Variants in PPARD observed in about 807,000 individuals in gnomAD.
The protein encoded by PPARD is peroxisome proliferator activated receptor delta, also known as peroxisome proliferator-activated receptor delta.
Under a neutral mutation model 39.5 loss-of-function variants are expected in PPARD, and 6 were observed. The ratio of observed to expected loss-of-function variants is 0.15; its 90% confidence interval spans 0.08 to 0.30. The LOEUF is 0.30. Among genes scored for constraint, PPARD ranks in the 10% least tolerant of loss-of-function variants. The pLI is 1.00. For missense variants in PPARD, 397 were observed against 596.8 expected (o/e 0.67, Z 3.49); for synonymous variants, 210 against 231.3 (o/e 0.91, Z 0.83).
At chr6:35,411,397 A>G (rs989666123) in intron 3 of PPARD, among the ~76,000 whole-genome samples, 180 bp downstream of exon 3, 2 of 152,242 alleles carry the variant, frequency 1.3e-5, no homozygotes, top group African/African-American at 4.8e-5. Context: ...ACTCACCAGC[A>G]GTGGGGCCTG....
At chr6:35,416,783 C>T (rs555798707) in intron 3 of PPARD, among the ~76,000 whole-genome samples, 3 of 152,312 alleles carry the variant, frequency 2.0e-5, no homozygotes, top group Non-Finnish European at 2.9e-5. Flanking sequence ...CAGTCACATG[C>T]GTGAGTGATG....
chr6:35,384,819 C>T (rs1463059221), intron 2 of PPARD, among the ~76,000 whole-genome samples: 2 of 61,578 alleles, frequency 3.2e-5, no homozygotes, highest in Admixed American at 1.3e-4. Context: ...CCAGCCGCCC[C>T]GTCCGGGAGG....
intron 2 of PPARD, among the ~76,000 whole-genome samples, chr6:35,373,638 A>G (rs1287538504): frequency 2.0e-5 from 3 of 150,148 alleles, no homozygotes; most frequent in Non-Finnish European, 4.4e-5. Flanking sequence ...TCTTCACTCT[A>G]CGGTACATTT....
chr6:35,348,335 C>T (rs1761014505), intron 2 of PPARD: 2 of 985,074 alleles, frequency 2.0e-6, no homozygotes, highest in Non-Finnish European at 2.4e-6. Flanking sequence ...GGCCATAACA[C>T]ACAGAATTGT....
intron 2 of PPARD, among the ~76,000 whole-genome samples, chr6:35,390,008 T>C (rs9658107): frequency 0.011 from 1,610 of 152,318 alleles, 8 homozygotes; most frequent in Middle Eastern, 0.024. Flanking sequence ...AATTCAAGGC[T>C]AGCCAGGTCC....
At chr6:35,378,343 G>A (rs181109355) in intron 2 of PPARD, among the ~76,000 whole-genome samples, 4 of 152,294 alleles carry the variant, frequency 2.6e-5, no homozygotes, top group Admixed American at 1.3e-4. Flanking sequence ...GGACGCAGAG[G>A]CAGGGAATGA....
chr6:35,380,459 G>GTTTTT (rs11334296), intron 2 of PPARD, among the ~76,000 whole-genome samples: 1 of 97,110 alleles, frequency 1.0e-5, no homozygotes, highest in Admixed American at 1.3e-4. Flanking sequence ...TTAACCTCGT[G>GTTTTT]TTTTTTTTTT....
At chr6:35,423,744 C>T (rs1766371127) in intron 5 of PPARD, among the ~76,000 whole-genome samples, 2 of 149,854 alleles carry the variant, frequency 1.3e-5, no homozygotes, top group Non-Finnish European at 3.0e-5. Context: ...TGCAAAGATA[C>T]ACCAAAAAAA....
At chr6:35,411,503 T>C (rs899189829) in intron 3 of PPARD, among the ~76,000 whole-genome samples, 4 of 152,178 alleles carry the variant, frequency 2.6e-5, no homozygotes, top group African/African-American at 9.7e-5. Flanking sequence ...TGGGCATCTG[T>C]AACACATGTC....
intron 2 of PPARD, among the ~76,000 whole-genome samples, chr6:35,362,010 C>A (rs926877747): frequency 2.6e-5 from 4 of 152,152 alleles, no homozygotes; most frequent in Non-Finnish European, 5.9e-5. Flanking sequence ...AAATAATGCT[C>A]ATTCGTTATA....
intron 2 of PPARD, among the ~76,000 whole-genome samples, chr6:35,355,920 T>C (rs1298465157): frequency 1.3e-5 from 2 of 151,786 alleles, no homozygotes; most frequent in African/African-American, 2.4e-5. Context: ...CTCTTTCTTA[T>C]ATAATTTTTT....
At chr6:35,359,210 G>T (rs1187888313) in intron 2 of PPARD, among the ~76,000 whole-genome samples, 1 of 152,196 alleles carries the variant, frequency 6.6e-6, no homozygotes, top group Non-Finnish European at 1.5e-5. Flanking sequence ...AGTTAGAGAC[G>T]AGATTGGTGG....
chr6:35,382,624 TAGAG>T (rs1482253265), intron 2 of PPARD, among the ~76,000 whole-genome samples: 6 of 152,180 alleles, frequency 3.9e-5, no homozygotes, highest in African/African-American at 1.2e-4. Flanking sequence ...TTTGGGAAGT[TAGAG>T]AGGCAATGGG....
At chr6:35,349,901 C>T (rs1254112271) in intron 2 of PPARD, among the ~76,000 whole-genome samples, 1 of 151,908 alleles carries the variant, frequency 6.6e-6, no homozygotes, top group African/African-American at 2.4e-5. Flanking sequence ...GCCACCACGC[C>T]CAGCTAATTT....
intron 4 of PPARD, 114 bp downstream of exon 4, chr6:35,420,395 A>G: frequency 7.3e-7 from 1 of 1,371,324 alleles, no homozygotes; most frequent in Non-Finnish European, 9.6e-7. Flanking sequence ...CCTATTGCAG[A>G]ATTCCTGCCC....
intron 2 of PPARD, among the ~76,000 whole-genome samples, chr6:35,353,849 C>G (rs992761910): frequency 1.3e-5 from 2 of 152,198 alleles, no homozygotes; most frequent in African/African-American, 4.8e-5. Context: ...CCCTGAGGCA[C>G]TGGCTTCTGG....
chr6:35,396,244 G>A (rs1314431835), intron 2 of PPARD, among the ~76,000 whole-genome samples: 5 of 149,892 alleles, frequency 3.3e-5, no homozygotes, highest in African/African-American at 1.2e-4. Context: ...TCGCTCTGTC[G>A]CCCAGGCTGG....
At chr6:35,352,824 T>A (rs1386023889) in intron 2 of PPARD, among the ~76,000 whole-genome samples, 1 of 152,174 alleles carries the variant, frequency 6.6e-6, no homozygotes, top group Non-Finnish European at 1.5e-5. Flanking sequence ...GCAGAAGCAT[T>A]CCCAAAATGA....
At chr6:35,386,018 C>T (rs1763633351) in intron 2 of PPARD, among the ~76,000 whole-genome samples, 1 of 152,092 alleles carries the variant, frequency 6.6e-6, no homozygotes, top group Non-Finnish European at 1.5e-5. Context: ...TGAGGTTGGA[C>T]TGTGACCCTG....
Sources: gnomAD v4.1 joint callset for allele counts (sites outside exome capture counted in the v4.1 genomes callset) on GRCh38, gnomAD v4.1.1 for gene constraint, MANE v1.5 for transcripts, NCBI Gene and HGNC (gene_info 2026-07-23, HGNC 2026-07-21) for gene names.